PROSER1: variants seen among roughly 807,000 people sequenced by gnomAD.
PROSER1 encodes the protein proline and serine rich 1, also known as proline and serine-rich protein 1.
PROSER1 carries 36 observed loss-of-function variants against 71.8 expected under a neutral mutation model. That is an observed-to-expected ratio of 0.50 (90% confidence interval 0.38 to 0.66). The LOEUF (loss-of-function observed/expected upper bound fraction) is 0.66, where lower values mean the gene tolerates loss of function less well. PROSER1 is among the 30% of genes least tolerant of loss of function. The probability of loss-of-function intolerance (pLI) is 0.00; values close to 1 mark genes in which losing one functional copy is unlikely to be tolerated. For missense variants in PROSER1, 1,107 were observed against 1,135.0 expected (o/e 0.98, Z 0.35); for synonymous variants, 490 against 452.4 (o/e 1.08, Z -1.06).
Position 39,031,589 on chromosome 13 carries a change from A to T in PROSER1, c.154T>A (p.Leu52Met). 6.2e-7 allele frequency: 1 copy of T among 1,613,100 alleles called. No individual in the cohort carries two copies. The highest frequency in any genetic ancestry group is 8.5e-7 in the Non-Finnish European group (1 of 1,179,688). The change falls in exon 3 of 13, where the codon TTG becomes ATG. Residue 52 changes from leucine to methionine, a missense_variant. Coordinates refer to ENST00000352251, the MANE Select transcript of PROSER1 (RefSeq NM_025138.5). ...TGCTGTAATGCTTTCATTGCCTTCAACTGGGGCTCGGCCCAGGAAAAATAT... is the reference window on the plus strand; with the variant it reads ...TGCTGTAATGCTTTCATTGCCTTCATCTGGGGCTCGGCCCAGGAAAAATAT... ...LRYFSWAEPQLKAMKALQHKM... is the reference protein window; with the variant it reads ...LRYFSWAEPQMKAMKALQHKM...
chr13:39,032,029 T>TAC (rs1870869529), intron 2 of PROSER1, among the ~76,000 whole-genome samples: 1 of 152,118 alleles, frequency 6.6e-6, no homozygotes, highest in Non-Finnish European at 1.5e-5. Context: ...AAAAGGATGG[T>TAC]TGAGAAGTAC....
chr13:39,029,313 T>C lies in PROSER1; in HGVS notation c.243A>G (p.Lys81=). The change falls in exon 4 of 13, where the codon AAA becomes AAG. Residue 81 remains lysine, a synonymous_variant. Coordinates refer to ENST00000352251, the MANE Select transcript of PROSER1 (RefSeq NM_025138.5). ...VNILNCFTFS[K]DKLVALELLA... ...ACAGTTCAAGAGCAACTAGTTTGTC[T>C]TTACTGAAAGTGAAACAGTTGAGTA... is the stretch of plus-strand genomic sequence containing the variant. The C allele has an allele frequency of 6.5e-7, 1 of 1,548,908 alleles. No individual in the cohort carries two copies. The highest frequency in any genetic ancestry group is 8.7e-7 in the Non-Finnish European group (1 of 1,154,972).
chr13:39,029,196 A>AT, intron 4 of PROSER1, 85 bp downstream of exon 4: 1 of 740,476 alleles, frequency 1.4e-6, no homozygotes. Context: ...TGTTAGACAC[A>AT]TTAACACACA....
chr13:39,030,031 A>G (rs2138130510), intron 3 of PROSER1, among the ~76,000 whole-genome samples: 1 of 152,318 alleles, frequency 6.6e-6, no homozygotes, highest in South Asian at 2.1e-4. Context: ...GTGAAGGAAA[A>G]TTAAAAGCAA....
At chr13:39,024,999 T>C (rs1279907089) in intron 6 of PROSER1, among the ~76,000 whole-genome samples, 2 of 152,118 alleles carry the variant, frequency 1.3e-5, no homozygotes, top group Non-Finnish European at 2.9e-5. Context: ...GCCGTGTAAA[T>C]AGTTGTTATG....
At chr13:39,031,232 G>A (rs988097251) in intron 3 of PROSER1, among the ~76,000 whole-genome samples, 1 of 152,210 alleles carries the variant, frequency 6.6e-6, no homozygotes, top group Non-Finnish European at 1.5e-5. Context: ...TATTTGGACA[G>A]TAATAACTCT....
At chr13:39,031,478 A>G in intron 3 of PROSER1, 85 bp downstream of exon 3, 1 of 1,015,286 alleles carries the variant, frequency 9.8e-7, no homozygotes, top group Non-Finnish European at 1.5e-6. Flanking sequence ...ATGCAAATAA[A>G]TTACAACTGA....
Position 39,024,556 on chromosome 13 carries a change from C to T in PROSER1, c.481G>A (p.Gly161Arg). 3 of 1,521,628 alleles carry T rather than the reference C, an allele frequency of 2.0e-6. No homozygotes were observed. Among genetic ancestry groups the T allele is most frequent in the South Asian group, 1.2e-5 (1 of 80,086 alleles). The allele number at this position is 1,521,628 out of a possible 1,614,324, so 94.3% of individuals were successfully genotyped here. ...RPSRINGIFP[G>R]TPLKKDGEEC... ...TCACCATCTTTTTTCAAAGGAGTTC[C>T]CTATTAAAAAAAAAAAAAAAAGGTA... Residue 161 changes from glycine to arginine, a missense_variant and splice_region_variant, in exon 7 of 13, where the codon GGA (glycine) becomes AGA (arginine). By Grantham distance (125) the Gly-to-Arg change is moderately radical. Transcript: ENST00000352251.
chr13:39,026,613 C>T, intron 5 of PROSER1: 1 of 425,736 alleles, frequency 2.3e-6, no homozygotes, highest in East Asian at 3.6e-5. Flanking sequence ...GCAACAGACT[C>T]ATACAAAGAA....
intron 1 of PROSER1, 76 bp from the exon 2 acceptor site, chr13:39,034,272 C>G: frequency 8.4e-7 from 1 of 1,189,778 alleles, no homozygotes; most frequent in Non-Finnish European, 1.2e-6. Context: ...ATACATCTAT[C>G]AAAACTGCCC....
intron 9 of PROSER1, among the ~76,000 whole-genome samples, chr13:39,020,511 G>A (rs573160859): frequency 6.6e-5 from 10 of 152,028 alleles, no homozygotes; most frequent in Admixed American, 2.0e-4. Context: ...TACAAATCTG[G>A]TAGTAAAATT....
At position 39,013,817 on chromosome 13, in the gene PROSER1, T is replaced by C; in HGVS notation, c.1435A>G (p.Asn479Asp). Residue 479 changes from asparagine to aspartate, a missense_variant, in exon 11 of 13, where the codon AAT becomes GAT. Coordinates refer to ENST00000352251, the MANE Select transcript of PROSER1 (RefSeq NM_025138.5). ...LSALKGFLTS[N>D]DTNLINSSAL... is the part of the protein sequence containing the mutation. ...GAGGAGTTGATTAAATTGGTGTCAT[T>C]GGATGTCAGAAAACCTTTTAACGCA... 2.5e-6 allele frequency: 4 copies of C among 1,614,124 alleles called. No homozygotes were observed.
chr13:39,032,175 T>C (rs1870876982), intron 2 of PROSER1, among the ~76,000 whole-genome samples: 1 of 152,186 alleles, frequency 6.6e-6, no homozygotes, highest in African/African-American at 2.4e-5. Context: ...TTAGTCCTAG[T>C]AGGTCCTTTA....
At chr13:39,017,604 A>C (rs1870068026) in intron 9 of PROSER1, 60 bp from the exon 10 acceptor site, 2 of 890,500 alleles carry the variant, frequency 2.2e-6, no homozygotes, top group Non-Finnish European at 3.5e-6. Flanking sequence ...CCACCATAAT[A>C]AACAGATATT....
chr13:39,037,227 A>C lies in PROSER1; in HGVS notation c.16T>G (p.Phe6Val). Residue 6 changes from phenylalanine to valine, a missense_variant, in exon 1 of 13, where the codon TTT becomes GTT. Coordinates refer to ENST00000352251, the MANE Select transcript of PROSER1 (RefSeq NM_025138.5). ...CTAATTTCATCCAGCACCATTTCAAAGGACTTTTTATCCATCTTGACTACT... is the reference window on the plus strand; with the variant it reads ...CTAATTTCATCCAGCACCATTTCAACGGACTTTTTATCCATCTTGACTACT... MDKKS[F>V]EMVLDEIRKA... 1 of 1,610,382 alleles carries C rather than the reference A, an allele frequency of 6.2e-7. No individual in the cohort carries two copies. The highest frequency in any genetic ancestry group is 8.5e-7 in the Non-Finnish European group (1 of 1,176,600).
chr13:39,031,987 C>A (rs918765550), intron 2 of PROSER1, among the ~76,000 whole-genome samples: 1 of 151,892 alleles, frequency 6.6e-6, no homozygotes, highest in African/African-American at 2.4e-5. Flanking sequence ...GAAAAATATA[C>A]AATACAGAAA....
intron 2 of PROSER1, among the ~76,000 whole-genome samples, chr13:39,033,289 T>C (rs1031743981): frequency 6.6e-6 from 1 of 152,210 alleles, no homozygotes; most frequent in African/African-American, 2.4e-5. Flanking sequence ...AAAACTGACA[T>C]AAAGACAACA....
At position 39,037,557 on chromosome 13, in the gene PROSER1, T is replaced by A. The variant is rs556820554; in HGVS notation, c.-315A>T. ...CTGAGTTTTGCAGAAAAACCCGGGC[T>A]CGGCGGCAGGTTTGAGTGCGGTTTC... is the stretch of plus-strand genomic sequence containing the variant. On this transcript the variant is annotated 5_prime_UTR_variant, in exon 1 of 13. Transcript: ENST00000352251. 180 of 257,404 alleles carry A rather than the reference T, an allele frequency of 7.0e-4. No homozygotes were observed. Among genetic ancestry groups the A allele is most frequent in the Middle Eastern group, 1.2e-3 (1 of 808 alleles). The allele number at this position is 257,404 out of a possible 1,614,324, so 15.9% of individuals were successfully genotyped here. A position where few individuals can be genotyped will look rare whatever the true frequency, so the allele number is the denominator to read the frequency against.
At chr13:39,019,139 G>T (rs1176392257) in intron 9 of PROSER1, among the ~76,000 whole-genome samples, 1 of 151,968 alleles carries the variant, frequency 6.6e-6, no homozygotes, top group Non-Finnish European at 1.5e-5. Context: ...ATGATCAAAG[G>T]CAATTTTAAA....
Sources: allele counts gnomAD v4.1 joint callset (sites outside exome capture counted in the v4.1 genomes callset), GRCh38; gene constraint gnomAD v4.1.1; transcripts MANE v1.5; gene names NCBI Gene and HGNC (gene_info 2026-07-23, HGNC 2026-07-21).